The following YTHDC1 variants were observed in gnomAD, a reference collection of about 807,000 sequenced individuals.
YTHDC1 encodes YTH N6-methyladenosine RNA binding protein C1, also known as YTH domain-containing protein 1.
YTHDC1 carries 12 observed loss-of-function variants against 107.0 expected under a neutral mutation model. The ratio of observed to expected loss-of-function variants is 0.11; its 90% CI spans 0.07 to 0.18. The LOEUF (loss-of-function observed/expected upper bound fraction) is 0.18, where lower values mean the gene tolerates loss of function less well. Ranked by LOEUF, YTHDC1 falls within the 10% of genes least tolerant of loss-of-function variation. YTHDC1 has a pLI of 1.00. For synonymous variants in YTHDC1, 280 were observed against 289.5 expected (o/e 0.97, Z 0.33); for missense variants, 635 against 898.8 (o/e 0.71, Z 3.75).
At position 68,337,407 on chromosome 4, in the gene YTHDC1, T is replaced by C. The variant is rs752616003; in HGVS notation, c.503A>G (p.Gln168Arg). ...EVDRRASRSS[Q>R]SSKEEVNSEE... is the part of the protein sequence containing the mutation. Reference sequence around the variant, plus strand: ...AGAGTTCACTTCTTCCTTAGAAGACTGGCTGGATCTGCTTGCACGTCTATC... The same window carrying C: ...AGAGTTCACTTCTTCCTTAGAAGACCGGCTGGATCTGCTTGCACGTCTATC... Residue 168 changes from glutamine to arginine, a missense_variant, in exon 4 of 17, where the codon CAG becomes CGG. Around this residue, in one of 5 missense-constraint regions of YTHDC1, gnomAD observed 294 missense variants for 312.3 expected, o/e 0.94. Transcript: ENST00000344157. The C allele has an allele frequency of 5.0e-6, 8 of 1,614,080 alleles. No individual in the cohort carries two copies. In the Middle Eastern group the frequency reaches 4.9e-4, roughly 99 times the overall value.
At chr4:68,318,328 G>T (rs973851937) in intron 15 of YTHDC1, among the ~76,000 whole-genome samples, 191 bp downstream of exon 15, 8 of 152,056 alleles carry the variant, frequency 5.3e-5, no homozygotes, top group Non-Finnish European at 8.8e-5. Context: ...GGCTGGTCTC[G>T]AACTCTTCAC....
rs370728191 is a variant in YTHDC1 at position 68,337,916 on chromosome 4, T to TAA, written c.131-18_131-17dup. 2.1e-5 allele frequency: 29 copies of TAA among 1,397,568 alleles called. No homozygotes were observed. The highest frequency in any genetic ancestry group is 1.1e-4 in the Admixed American group (5 of 47,070). 86.6% of individuals were successfully genotyped at this position (1,397,568 alleles called of 1,614,324 possible). ...CTTTTTGATCCTTTAAAATACAATGTAAAAAAAAAAAAAAGAAGTATTTGT... is the reference window on the plus strand; with the variant it reads ...CTTTTTGATCCTTTAAAATACAATGTAAAAAAAAAAAAAAAAGAAGTATTTGT... On this transcript the variant is annotated splice_polypyrimidine_tract_variant and intron_variant, in intron 2 of 16. Coordinates refer to ENST00000344157, the MANE Select transcript of YTHDC1 (RefSeq NM_001031732.4).
rs1388563502 is a variant in YTHDC1 at position 68,312,950 on chromosome 4, GAACT to G, written c.*1145_*1148del. ...AACTGGACAGTTAACTTAAAATACA[GAACT>G]AATACAAGAGGGTTAAAAGTCCATT... On this transcript the variant is annotated 3_prime_UTR_variant, in exon 17 of 17. Coordinates refer to ENST00000344157, the MANE Select transcript of YTHDC1 (RefSeq NM_001031732.4). 23 of 152,222 alleles carry G rather than the reference GAACT, an allele frequency of 1.5e-4. No homozygotes were observed. Among genetic ancestry groups the G allele is most frequent in the African/African-American group, 5.1e-4 (21 of 41,538 alleles). The allele number at this position is 152,222 out of a possible 1,614,324, so 9.4% of individuals were successfully genotyped here.
intron 4 of YTHDC1, among the ~76,000 whole-genome samples, chr4:68,335,221 T>C (rs1724020786): frequency 6.6e-6 from 1 of 152,166 alleles, no homozygotes; most frequent in East Asian, 1.9e-4. Context: ...ATCACTTTTA[T>C]TTAAAAACTG....
chr4:68,338,077 T>C (rs766087885), intron 2 of YTHDC1, 177 bp from the exon 3 acceptor site: 50 of 961,764 alleles, frequency 5.2e-5, no homozygotes, highest in African/African-American at 1.2e-4. Flanking sequence ...CTTTCAACTA[T>C]GGGAATAAAA....
chr4:68,325,119 T>C (rs1722843697), intron 9 of YTHDC1, among the ~76,000 whole-genome samples: 1 of 152,224 alleles, frequency 6.6e-6, no homozygotes, highest in Non-Finnish European at 1.5e-5. Flanking sequence ...TCACTGTACT[T>C]ACAATACAAA....
At chr4:68,333,480 C>A in intron 4 of YTHDC1, 83 bp from the exon 5 acceptor site, 2 of 957,858 alleles carry the variant, frequency 2.1e-6, no homozygotes, top group South Asian at 1.5e-5. Context: ...CATTACATGT[C>A]TAGTTTTTGC....
At chr4:68,336,817 T>A (rs956348968) in intron 4 of YTHDC1, among the ~76,000 whole-genome samples, 16 of 152,168 alleles carry the variant, frequency 1.1e-4, no homozygotes, top group African/African-American at 3.6e-4. Flanking sequence ...ACACAACCAT[T>A]CTGTAGCTAG....
chr4:68,320,105 G>A lies in YTHDC1; in HGVS notation c.1684+18C>T, dbSNP rs1249948695. 6.4e-7 allele frequency: 1 copy of A among 1,561,536 alleles called. No individual in the cohort carries two copies. The highest frequency in any genetic ancestry group is 1.9e-5 in the Admixed American group (1 of 53,560). ...AATAATTTGAAATCAAATATCTGCA[G>A]GATTATAAAATATTAACCTGGTCTC... On this transcript the variant is annotated intron_variant, in intron 12 of 16. Transcript: ENST00000344157.
chr4:68,318,933 C>T, intron 12 of YTHDC1, 71 bp from the exon 13 acceptor site: 1 of 1,477,574 alleles, frequency 6.8e-7, no homozygotes, highest in Non-Finnish European at 9.4e-7. Flanking sequence ...ATTAAACCTT[C>T]CTTACCACTC....
chr4:68,347,082 C>T (rs962561856), intron 1 of YTHDC1, among the ~76,000 whole-genome samples: 1 of 152,150 alleles, frequency 6.6e-6, no homozygotes, highest in African/African-American at 2.4e-5. Flanking sequence ...ACTCAAGGTA[C>T]TGAAACACAA....
At chr4:68,318,450 G>A (rs1197978303) in intron 15 of YTHDC1, 69 bp downstream of exon 15, 31 of 1,419,034 alleles carry the variant, frequency 2.2e-5, no homozygotes, top group Admixed American at 6.3e-5. Flanking sequence ...ATCATATTCC[G>A]AGTAAGCACC....
chr4:68,343,524 T>TA (rs10657692), intron 1 of YTHDC1, among the ~76,000 whole-genome samples: 3,427 of 120,968 alleles, frequency 0.028, 74 homozygotes, highest in Admixed American at 0.039. Context: ...TTAAAATCTT[T>TA]AAAAAAAAAA....
chr4:68,314,185 C>T lies in YTHDC1; in HGVS notation c.2098G>A (p.Asp700Asn). The change falls in exon 17 of 17, where the codon GAT becomes AAT. Residue 700 changes from aspartate (D) to asparagine (N), a missense_variant. Transcript: ENST00000344157. ...TCTCTTTCTCTATCACGTCCTCTAT[C>T]TCGCTCTCTGTCTCGTCTGTTATCT... ...PRDNRRDRER[D>N]RGRDRERERE... The T allele has an allele frequency of 6.2e-7, 1 of 1,613,668 alleles. No homozygotes were observed. Among genetic ancestry groups the T allele is most frequent in the Admixed American group, 1.7e-5 (1 of 59,966 alleles).
rs115333562 is a variant in YTHDC1, at chr4:68,341,413, C to A, written c.29-3029G>T. On this transcript the variant is annotated intron_variant, in intron 1 of 16. Transcript: ENST00000344157. ...GAAATATTCAAAATCAACTATAACA[C>A]CCTCACTTAAATGATGTACACACTT... Among the ~76,000 whole-genome samples, 476 of 152,202 alleles carry A rather than the reference C, an allele frequency of 3.1e-3. 2 individuals are homozygous for A. Among genetic ancestry groups the A allele is most frequent in the African/African-American group, 0.011 (449 of 41,542 alleles).
Position 68,349,970 on chromosome 4 carries a change from G to A in YTHDC1, c.-217C>T. 1 of 657,174 alleles carries A rather than the reference G, an allele frequency of 1.5e-6. No individual in the cohort carries two copies. The highest frequency in any genetic ancestry group is 2.6e-6 in the Non-Finnish European group (1 of 385,218). The allele number at this position is 657,174 out of a possible 1,614,324, so 40.7% of individuals were successfully genotyped here. On this transcript the variant is annotated 5_prime_UTR_variant, in exon 1 of 17. Transcript: ENST00000344157. ...TCCAGCATCCAGCGGCCTAGGCCCA[G>A]CCTTCTCGTTAGGGCTCAGACTCGG...
intron 1 of YTHDC1, among the ~76,000 whole-genome samples, chr4:68,339,110 G>C (rs1037389680): frequency 2.0e-5 from 3 of 152,146 alleles, no homozygotes; most frequent in Non-Finnish European, 4.4e-5. Context: ...AAGGGAAAAC[G>C]ACTTTACAGT....
Position 68,336,988 on chromosome 4 carries a change from C to CT in YTHDC1, c.883+38dup, listed in dbSNP as rs749595872. ...ATTTTCAAGACTGAAACCTATCAAG[C>CT]TTTTTTTAAGACAAACTTTTACATA... On this transcript the variant is annotated intron_variant, in intron 4 of 16. Transcript: ENST00000344157. 4.2e-5 allele frequency: 64 copies of CT among 1,533,212 alleles called. No homozygotes were observed. In the Middle Eastern group the frequency reaches 1.1e-3, roughly 25 times the overall value. 95.0% of individuals were successfully genotyped at this position (1,533,212 alleles called of 1,614,324 possible). A position where few individuals can be genotyped will look rare whatever the true frequency, so the allele number is the denominator to read the frequency against.
At position 68,314,084 on chromosome 4, in the gene YTHDC1, G is replaced by A. The variant is rs763073471; in HGVS notation, c.*15C>T. 6.2e-7 allele frequency: 1 copy of A among 1,609,048 alleles called. No individual in the cohort carries two copies. Among genetic ancestry groups the A allele is most frequent in the Non-Finnish European group, 8.5e-7 (1 of 1,177,106 alleles). ...TTTTTTGTATCTTTAAACAATCAGTGCTTCCAAAAGCCCATTATCTTCTAT... is the reference window on the plus strand; with the variant it reads ...TTTTTTGTATCTTTAAACAATCAGTACTTCCAAAAGCCCATTATCTTCTAT... On this transcript the variant is annotated 3_prime_UTR_variant, in exon 17 of 17. Transcript: ENST00000344157.
Sources: allele counts gnomAD v4.1 joint callset (sites outside exome capture counted in the v4.1 genomes callset), GRCh38; gene constraint gnomAD v4.1.1; regional missense constraint gnomAD v4.1.1; transcripts MANE v1.5; gene names NCBI Gene and HGNC (gene_info 2026-07-23, HGNC 2026-07-21).